TET1: variants seen among roughly 807,000 people sequenced by gnomAD.
The protein encoded by TET1 is tet methylcytosine dioxygenase 1.
Under a neutral mutation model 148.7 loss-of-function variants are expected in TET1, and 13 were observed. That is an observed-to-expected ratio of 0.09 (90% CI 0.06 to 0.14). The LOEUF (loss-of-function observed/expected upper bound fraction) is 0.14, where lower values mean the gene tolerates loss of function less well. Ranked by LOEUF, TET1 falls within the 10% of genes least tolerant of loss-of-function variation. The probability of loss-of-function intolerance (pLI) is 1.00; values close to 1 mark genes in which losing one functional copy is unlikely to be tolerated. For missense variants in TET1, 2,182 were observed against 2,553.8 expected (o/e 0.85, Z 3.14); for synonymous variants, 907 against 937.2 (o/e 0.97, Z 0.59).
chr10:68,663,297 C>G (rs2055148555), intron 6 of TET1, among the ~76,000 whole-genome samples: 1 of 152,198 alleles, frequency 6.6e-6, no homozygotes, highest in Admixed American at 6.5e-5. Flanking sequence ...GTTCTTCCAA[C>G]TGAACTTTCT....
Position 68,652,610 on chromosome 10 carries a change from T to C in TET1, c.4461+16T>C. 6.4e-7 allele frequency: 1 copy of C among 1,573,764 alleles called. No homozygotes were observed. Among genetic ancestry groups the C allele is most frequent in the South Asian group, 1.1e-5 (1 of 87,260 alleles). On this transcript the variant is annotated intron_variant, in intron 6 of 11. Coordinates refer to ENST00000373644, the MANE Select transcript of TET1 (RefSeq NM_030625.3). ...TGCTAAGTGGGTAAGTATTTCCTAT[T>C]TATACATTTTTTTGAAGCTTGTTAT...
intron 3 of TET1, among the ~76,000 whole-genome samples, chr10:68,615,552 G>T (rs369132569): frequency 1.3e-5 from 2 of 151,916 alleles, no homozygotes; most frequent in South Asian, 2.1e-4. Flanking sequence ...CTGCATGTTG[G>T]CCAGGCTGGT....
At chr10:68,581,507 T>C (rs1325242636) in intron 2 of TET1, among the ~76,000 whole-genome samples, 1 of 152,178 alleles carries the variant, frequency 6.6e-6, no homozygotes, top group Non-Finnish European at 1.5e-5. Context: ...TTGGCTAAGC[T>C]ACACTTTCAC....
chr10:68,572,989 A>G lies in TET1; in HGVS notation c.651A>G (p.Pro217=). The G allele has an allele frequency of 1.2e-6, 2 of 1,614,126 alleles. No individual in the cohort carries two copies. Among genetic ancestry groups the G allele is most frequent in the African/African-American group, 1.3e-5 (1 of 75,036 alleles). Residue 217 remains proline, a synonymous_variant, in exon 2 of 12, where the codon CCA becomes CCG. Transcript: ENST00000373644. ...SGPAAEILPG[P]LEGTRCGEGL... is the part of the protein sequence containing the mutation. ...CTGCAGCTGAGATCCTTCCTGGGCC[A>G]CTGGAAGGGACACGCTGTGGTGAAG...
intron 3 of TET1, among the ~76,000 whole-genome samples, chr10:68,638,654 A>C (rs988484105): frequency 2.0e-5 from 3 of 152,122 alleles, no homozygotes; most frequent in African/African-American, 7.2e-5. Flanking sequence ...CAATGAACAG[A>C]CTTCGAAAGG....
chr10:68,651,419 C>A (rs1271760035), intron 4 of TET1, among the ~76,000 whole-genome samples: 1 of 152,024 alleles, frequency 6.6e-6, no homozygotes, highest in African/African-American at 2.4e-5. Flanking sequence ...CCACTGCACT[C>A]CAGCCTGGGC....
intron 10 of TET1, among the ~76,000 whole-genome samples, chr10:68,683,587 T>C (rs980968606): frequency 6.6e-6 from 1 of 151,756 alleles, no homozygotes; most frequent in Non-Finnish European, 1.5e-5. Flanking sequence ...CAATTTTTTG[T>C]ATTTTTAGTA....
chr10:68,610,066 G>A (rs905436952), intron 3 of TET1, among the ~76,000 whole-genome samples: 11 of 151,978 alleles, frequency 7.2e-5, no homozygotes, highest in South Asian at 2.1e-4. Context: ...GGAGGATCAC[G>A]AGGTCAGGAG....
Position 68,639,457 on chromosome 10 carries a change from C to T in TET1, c.1969-5241C>T, listed in dbSNP as rs1244749067. On this transcript the variant is annotated intron_variant, in intron 3 of 11. Transcript: ENST00000373644. ...ATTACTATTATTATTACTACTACTACTACTACTACTATTATTATTATTATT... is the reference window on the plus strand; with the variant it reads ...ATTACTATTATTATTACTACTACTATTACTACTACTATTATTATTATTATT... 5.0e-3 allele frequency among the ~76,000 whole-genome samples: 717 copies of T among 143,126 alleles called. 4 individuals carry two copies. The highest frequency in any genetic ancestry group is 0.018 in the African/African-American group (682 of 38,768). 93.9% of individuals were successfully genotyped at this position (143,126 alleles called of 152,430 possible).
intron 6 of TET1, among the ~76,000 whole-genome samples, chr10:68,662,998 T>A (rs1381340471): frequency 6.6e-6 from 1 of 152,230 alleles, no homozygotes; most frequent in East Asian, 1.9e-4. Flanking sequence ...AGTTCCCTTA[T>A]TTGTTTAAAA....
intron 2 of TET1, among the ~76,000 whole-genome samples, chr10:68,584,084 G>A (rs916605579): frequency 9.9e-5 from 15 of 151,140 alleles, no homozygotes; most frequent in Admixed American, 4.6e-4. Flanking sequence ...TTGTCGCCCA[G>A]GCTAGAATGC....
chr10:68,660,341 TTC>T lies in TET1; in HGVS notation c.4462-6702_4462-6701del, dbSNP rs1242492604. On this transcript the variant is annotated intron_variant, in intron 6 of 11. Coordinates refer to ENST00000373644, the MANE Select transcript of TET1 (RefSeq NM_030625.3). The stretch of plus-strand genomic sequence containing the variant: ...TTACTTTTTTCTTTTCTTCTTCTTC[TTC>T]TTTTTTTTTTTTTGAGATGGAATTT... Among the ~76,000 whole-genome samples, 10 of 141,752 alleles carry T rather than the reference TTC, an allele frequency of 7.1e-5. No homozygotes were observed. The East Asian group carries it at 8.0e-4, about 11-fold the overall frequency. 93.0% of individuals were successfully genotyped at this position (141,752 alleles called of 152,430 possible). A position where few individuals can be genotyped will look rare whatever the true frequency, so the allele number is the denominator to read the frequency against.
At chr10:68,595,372 C>T (rs1284785015) in intron 2 of TET1, among the ~76,000 whole-genome samples, 3 of 151,896 alleles carry the variant, frequency 2.0e-5, no homozygotes, top group Non-Finnish European at 4.4e-5. Flanking sequence ...GAGAGGAGAG[C>T]GCGGGACATA....
intron 2 of TET1, among the ~76,000 whole-genome samples, chr10:68,598,991 GT>G (rs931418166): frequency 1.3e-5 from 2 of 152,072 alleles, no homozygotes; most frequent in East Asian, 3.9e-4. Flanking sequence ...CCGGCCAATA[GT>G]TTTTTTCTTA....
intron 3 of TET1, among the ~76,000 whole-genome samples, chr10:68,612,745 G>A (rs2054234712): frequency 6.6e-6 from 1 of 151,756 alleles, no homozygotes; most frequent in Non-Finnish European, 1.5e-5. Flanking sequence ...AGTCCCCCAA[G>A]TAGCTGGGAC....
At chr10:68,659,649 A>G (rs1328882849) in intron 6 of TET1, among the ~76,000 whole-genome samples, 1 of 152,078 alleles carries the variant, frequency 6.6e-6, no homozygotes, top group Non-Finnish European at 1.5e-5. Context: ...GTTTTTCTTT[A>G]CTTAAGCTTA....
At chr10:68,619,892 A>T (rs578176495) in intron 3 of TET1, among the ~76,000 whole-genome samples, 1 of 152,240 alleles carries the variant, frequency 6.6e-6, no homozygotes, top group East Asian at 1.9e-4. Context: ...CAGTTCACTC[A>T]TTTAAAGTGT....
intron 1 of TET1, among the ~76,000 whole-genome samples, chr10:68,569,946 A>T (rs1025937180): frequency 1.4e-4 from 21 of 152,126 alleles, no homozygotes; most frequent in Admixed American, 9.2e-4. Context: ...TTTAAAGGAT[A>T]CTTTAGTATT....
intron 2 of TET1, among the ~76,000 whole-genome samples, chr10:68,586,111 G>A (rs1205130082): frequency 4.6e-5 from 7 of 152,138 alleles, no homozygotes; most frequent in Admixed American, 1.3e-4. Context: ...TGGGCTCAAG[G>A]GATCCTTCTG....
Sources: gnomAD v4.1 joint callset for allele counts (sites outside exome capture counted in the v4.1 genomes callset) on GRCh38, gnomAD v4.1.1 for gene constraint, MANE v1.5 for transcripts, NCBI Gene and HGNC (gene_info 2026-07-23, HGNC 2026-07-21) for gene names.